UBE2K: variants seen among roughly 807,000 people sequenced by gnomAD.
UBE2K encodes the protein ubiquitin conjugating enzyme E2 K, also known as ubiquitin-conjugating enzyme E2 K.
In UBE2K, 6 loss-of-function variants were observed where a neutral mutation model predicts 30.0. That is an observed-to-expected ratio of 0.20 (90% CI 0.11 to 0.39). UBE2K has a LOEUF of 0.39. UBE2K is among the 10% of genes least tolerant of loss of function. The pLI is 1.00. For synonymous variants in UBE2K, 86 were observed against 83.7 expected (o/e 1.03, Z -0.15); for missense variants, 61 against 241.6 (o/e 0.25, Z 4.96).
chr4:39,753,654 A>C (rs1260140279), intron 3 of UBE2K, among the ~76,000 whole-genome samples: 1 of 152,200 alleles, frequency 6.6e-6, no homozygotes, highest in African/African-American at 2.4e-5. Context: ...GTGAAACTTG[A>C]AGAGTAGGAA....
chr4:39,744,075 C>T (rs1260890983), intron 2 of UBE2K, among the ~76,000 whole-genome samples: 2 of 152,164 alleles, frequency 1.3e-5, no homozygotes, highest in African/African-American at 4.8e-5. Context: ...GTTTGCCAGG[C>T]TAGTCTTGAA....
chr4:39,741,766 CT>C (rs1199790130), intron 2 of UBE2K, among the ~76,000 whole-genome samples: 1 of 152,068 alleles, frequency 6.6e-6, no homozygotes, highest in African/African-American at 2.4e-5. Flanking sequence ...CCTAAAATTT[CT>C]TTTAGGTTTA....
chr4:39,738,497 C>T (rs202116394), intron 2 of UBE2K, among the ~76,000 whole-genome samples: 1 of 152,042 alleles, frequency 6.6e-6, no homozygotes, highest in Non-Finnish European at 1.5e-5. Flanking sequence ...TTTGTTTTAT[C>T]TATTTTTTTA....
chr4:39,734,007 T>C (rs1720218047), intron 1 of UBE2K, among the ~76,000 whole-genome samples: 1 of 152,160 alleles, frequency 6.6e-6, no homozygotes, highest in Non-Finnish European at 1.5e-5. Context: ...AATTGTTGCT[T>C]GATGGAAAAT....
intron 2 of UBE2K, among the ~76,000 whole-genome samples, chr4:39,740,982 C>T (rs1001088435): frequency 1.3e-5 from 2 of 149,362 alleles, no homozygotes; most frequent in Admixed American, 1.3e-4. Flanking sequence ...TTTAAAAGTG[C>T]TTATATCTGC....
At chr4:39,756,056 A>G (rs565958936) in intron 4 of UBE2K, among the ~76,000 whole-genome samples, 2 of 152,354 alleles carry the variant, frequency 1.3e-5, no homozygotes, top group East Asian at 3.9e-4. Context: ...GTAGAAAGTA[A>G]GTATTGAAGT....
chr4:39,771,106 T>C lies in UBE2K; in HGVS notation c.300-3728T>C, dbSNP rs1712788295. ...GCATTTCTCCACCACGTGCTCCATC[T>C]GCAGGTAGGAGGTGGCTGTAAGATA... On this transcript the variant is annotated intron_variant, in intron 4 of 6. Coordinates refer to ENST00000261427, the MANE Select transcript of UBE2K (RefSeq NM_005339.5). 16 of 1,612,534 alleles carry C rather than the reference T, an allele frequency of 9.9e-6. No homozygotes were observed. In the South Asian group the frequency reaches 1.5e-4, roughly 15 times the overall value.
chr4:39,738,859 G>A (rs1281897967), intron 2 of UBE2K, among the ~76,000 whole-genome samples: 3 of 151,708 alleles, frequency 2.0e-5, no homozygotes, highest in Non-Finnish European at 4.4e-5. Context: ...ATTTTTAGTA[G>A]AGACAGGGTT....
intron 3 of UBE2K, among the ~76,000 whole-genome samples, chr4:39,751,749 G>A (rs929135725): frequency 2.6e-5 from 4 of 152,022 alleles, no homozygotes; most frequent in Admixed American, 1.3e-4. Context: ...GAGGCGGGCG[G>A]ATCACTGGGA....
Position 39,774,923 on chromosome 4 carries a change from T to C in UBE2K, c.389T>C (p.Val130Ala). ...AEPDDPQDAV[V>A]ANQYKQNPEM... Reference sequence around the variant, plus strand: ...CCAGATGATCCACAGGATGCTGTAGTAGCAAATCAGGTAAGATGGCCGCTT... The same window carrying C: ...CCAGATGATCCACAGGATGCTGTAGCAGCAAATCAGGTAAGATGGCCGCTT... Residue 130 changes from valine (V) to alanine (A), a missense_variant, in exon 5 of 7, where the codon GTA becomes GCA. Physicochemically the swap from Val to Ala is moderately conservative, Grantham distance 64. Coordinates refer to ENST00000261427, the MANE Select transcript of UBE2K (RefSeq NM_005339.5). 6.2e-7 allele frequency: 1 copy of C among 1,602,254 alleles called. No individual in the cohort carries two copies. Among genetic ancestry groups the C allele is most frequent in the Non-Finnish European group, 8.5e-7 (1 of 1,171,872 alleles).
intron 5 of UBE2K, 79 bp from the exon 6 acceptor site, chr4:39,777,603 A>G: frequency 3.1e-6 from 4 of 1,273,678 alleles, no homozygotes; most frequent in Non-Finnish European, 4.2e-6. Context: ...GAAAAGTAGG[A>G]TTGTAGGCGA....
chr4:39,698,317 C>G lies in UBE2K; in HGVS notation c.-11C>G. The G allele has an allele frequency of 6.2e-7, 1 of 1,610,292 alleles. No homozygotes were observed. The highest frequency in any genetic ancestry group is 8.5e-7 in the Non-Finnish European group (1 of 1,178,572). The stretch of plus-strand genomic sequence containing the variant: ...GGAGGAGGCGGGTACGAATCAGCTG[C>G]GGGCGGAGACATGGCCAACATCGCG... On this transcript the variant is annotated 5_prime_UTR_variant, in exon 1 of 7. Transcript: ENST00000261427.
intron 1 of UBE2K, among the ~76,000 whole-genome samples, chr4:39,716,431 T>C (rs2109320321): frequency 6.6e-6 from 1 of 152,274 alleles, no homozygotes; most frequent in East Asian, 1.9e-4. Context: ...TTACTTTTTG[T>C]GGAGACAGGG....
chr4:39,712,195 CTTTT>C (rs34711359), intron 1 of UBE2K, among the ~76,000 whole-genome samples: 1 of 58,338 alleles, frequency 1.7e-5, no homozygotes, highest in Non-Finnish European at 2.9e-5. Context: ...CACCGACAAC[CTTTT>C]TTTTTTTTTT....
At chr4:39,766,486 T>G (rs1011381082) in intron 4 of UBE2K, among the ~76,000 whole-genome samples, 15 of 152,054 alleles carry the variant, frequency 9.9e-5, no homozygotes, top group African/African-American at 2.4e-4. Flanking sequence ...GTTTTTTTTT[T>G]TTGTTATTGA....
At chr4:39,717,962 G>A (rs1176941858) in intron 1 of UBE2K, among the ~76,000 whole-genome samples, 2 of 151,682 alleles carry the variant, frequency 1.3e-5, no homozygotes, top group South Asian at 2.1e-4. Context: ...AGACCTTTGC[G>A]GTGAGTGTTA....
chr4:39,699,451 T>A (rs1717886703), intron 1 of UBE2K, among the ~76,000 whole-genome samples: 1 of 152,200 alleles, frequency 6.6e-6, no homozygotes, highest in Non-Finnish European at 1.5e-5. Context: ...CCTGCAGAAT[T>A]TAGATACATT....
Position 39,742,743 on chromosome 4 carries a change from A to G in UBE2K, c.158-3009A>G, listed in dbSNP as rs11939222. Among the ~76,000 whole-genome samples, 1,285 of 152,216 alleles carry G rather than the reference A, an allele frequency of 8.4e-3. 22 individuals carry two copies. The highest frequency in any genetic ancestry group is 0.03 in the African/African-American group (1,230 of 41,512). On this transcript the variant is annotated intron_variant, in intron 2 of 6. Transcript: ENST00000261427. ...GCAACAGAGTGAGAATCCGCCTCAA[A>G]TAAAAAGTAGCCAGAAGAGAGGCCA...
rs1337587267 is a variant in UBE2K, at chr4:39,714,544, A to ATTTTTTTT, written c.63+16155_63+16156insTTTTTTTT. 2.8e-3 allele frequency: 58 copies of ATTTTTTTT among 21,080 alleles called. 1 individual carries two copies. Among genetic ancestry groups the ATTTTTTTT allele is most frequent in the South Asian group, 0.013 (6 of 446 alleles). 1.3% of individuals were successfully genotyped at this position (21,080 alleles called of 1,614,324 possible). On this transcript the variant is annotated intron_variant, in intron 1 of 6. Coordinates refer to ENST00000261427, the MANE Select transcript of UBE2K (RefSeq NM_005339.5). The stretch of plus-strand genomic sequence containing the variant: ...TATATATATATATATATATATATAT[A>ATTTTTTTT]TATATATTTTTTTTTTTTTTTAAGA...
Sources: allele counts gnomAD v4.1 joint callset (sites outside exome capture counted in the v4.1 genomes callset), GRCh38; gene constraint gnomAD v4.1.1; transcripts MANE v1.5; gene names NCBI Gene and HGNC (gene_info 2026-07-23, HGNC 2026-07-21).